Variants in TAOK1 observed in about 807,000 individuals in gnomAD.
TAOK1 encodes serine/threonine-protein kinase TAO1.
TAOK1 carries 21 observed loss-of-function variants against 138.3 expected under a neutral mutation model. The observed-to-expected ratio is 0.15, with a 90% confidence interval of 0.11 to 0.22. The LOEUF is 0.22. TAOK1 is among the 10% of genes least tolerant of loss of function. TAOK1 has a pLI of 1.00. For missense variants in TAOK1, 651 were observed against 1,227.7 expected (o/e 0.53, Z 7.02); for synonymous variants, 361 against 398.4 (o/e 0.91, Z 1.12).
chr17:29,541,008 G>A (rs1297754542), intron 19 of TAOK1, among the ~76,000 whole-genome samples: 1 of 152,074 alleles, frequency 6.6e-6, no homozygotes, highest in African/African-American at 2.4e-5. Flanking sequence ...GCCCGGCCTT[G>A]ATACATTTTT....
intron 2 of TAOK1, among the ~76,000 whole-genome samples, chr17:29,456,530 G>A (rs1312494215): frequency 6.7e-6 from 1 of 150,204 alleles, no homozygotes; most frequent in Non-Finnish European, 1.5e-5. Context: ...TCTATTACAG[G>A]TTGAGCATCC....
chr17:29,398,229 C>T (rs1223654532), intron 1 of TAOK1, among the ~76,000 whole-genome samples: 1 of 151,050 alleles, frequency 6.6e-6, no homozygotes, highest in African/African-American at 2.4e-5. Context: ...TTTTTTGAGA[C>T]GGAATTTTGC....
At chr17:29,410,323 T>C (rs901113187) in intron 1 of TAOK1, among the ~76,000 whole-genome samples, 1 of 152,202 alleles carries the variant, frequency 6.6e-6, no homozygotes, top group African/African-American at 2.4e-5. Flanking sequence ...TGATCTTGGC[T>C]CACCACAACC....
chr17:29,452,502 G>T (rs1467320623), intron 2 of TAOK1, among the ~76,000 whole-genome samples: 1 of 152,050 alleles, frequency 6.6e-6, no homozygotes, highest in Non-Finnish European at 1.5e-5. Context: ...GTGTGTGCGT[G>T]TGAATTAAAA....
At chr17:29,427,366 G>A (rs1231083396) in intron 1 of TAOK1, among the ~76,000 whole-genome samples, 2 of 151,970 alleles carry the variant, frequency 1.3e-5, no homozygotes, top group Admixed American at 1.3e-4. Flanking sequence ...AGGCTAAGGC[G>A]GGTGGATCAC....
rs552700270 is a variant in TAOK1, at chr17:29,498,626, T to C, written c.1203+105T>C. The C allele has an allele frequency of 5.2e-6, 7 of 1,335,074 alleles. No individual in the cohort carries two copies. The Admixed American group carries it at 1.3e-4, about 26-fold the overall frequency. 82.7% of individuals were successfully genotyped at this position (1,335,074 alleles called of 1,614,324 possible). On this transcript the variant is annotated intron_variant, in intron 12 of 19. Transcript: ENST00000261716. ...AGGAAGATAAGGAAGTTTCCCGAAGTTTGGAACATGGCTGGGCTCAGTGGC... is the reference window on the plus strand; with the variant it reads ...AGGAAGATAAGGAAGTTTCCCGAAGCTTGGAACATGGCTGGGCTCAGTGGC...
In TAOK1 at chr17:29,507,901, G is replaced by A. The variant is rs1307261538; in HGVS notation, c.1344G>A (p.Thr448=). The A allele has an allele frequency of 6.2e-6, 10 of 1,612,508 alleles. No individual in the cohort carries two copies. The highest frequency in any genetic ancestry group is 2.2e-5 in the South Asian group (2 of 90,898). The change falls in exon 14 of 20, where the codon ACG becomes ACA. Residue 448 remains threonine (T), a synonymous_variant. Transcript: ENST00000261716. ...FATIRTASLV[T]RQMQEHEQDS... ...TACATTATTTGTATGTCTAGGTTAC[G>A]AGGCAAATGCAAGAACATGAGCAGG...
At chr17:29,451,737 CAG>C in intron 2 of TAOK1, 57 bp downstream of exon 2, 3 of 1,570,478 alleles carry the variant, frequency 1.9e-6, no homozygotes, top group Non-Finnish European at 2.6e-6. Context: ...CCACTCCTGA[CAG>C]AGCAAAATAT....
chr17:29,397,622 A>ACATG, intron 1 of TAOK1, among the ~76,000 whole-genome samples: 1 of 60,526 alleles, frequency 1.7e-5, no homozygotes, highest in African/African-American at 1.2e-4. Flanking sequence ...AAATATATAT[A>ACATG]TATATATACA....
chr17:29,452,402 A>G (rs577314014), intron 2 of TAOK1, among the ~76,000 whole-genome samples: 115 of 152,160 alleles, frequency 7.6e-4, no homozygotes, highest in Non-Finnish European at 1.4e-3. Context: ...TACTTCTGTA[A>G]AGTCCCATTC....
intron 3 of TAOK1, among the ~76,000 whole-genome samples, chr17:29,470,460 C>G (rs1353106200): frequency 6.6e-6 from 1 of 151,952 alleles, no homozygotes; most frequent in Non-Finnish European, 1.5e-5. Flanking sequence ...TAAACCCTAA[C>G]ATTTGGTAAT....
Position 29,460,307 on chromosome 17 carries a change from T to C in TAOK1, c.133-6838T>C, listed in dbSNP as rs539523570. 2.6e-5 allele frequency among the ~76,000 whole-genome samples: 4 copies of C among 152,368 alleles called. No individual in the cohort carries two copies. In the East Asian group the frequency reaches 7.7e-4, roughly 29 times the overall value. ...CCCGGGTTCATGCAATTCTTCTGGC[T>C]CAGGCTCCTGAGTAGCTAGGATTAC... On this transcript the variant is annotated intron_variant, in intron 2 of 19. Transcript: ENST00000261716.
chr17:29,542,089 G>T (rs1012070250), intron 19 of TAOK1, among the ~76,000 whole-genome samples: 1 of 152,092 alleles, frequency 6.6e-6, no homozygotes, highest in African/African-American at 2.4e-5. Flanking sequence ...ATGTTAGCCA[G>T]GATGGTCTCG....
chr17:29,498,425 C>T lies in TAOK1; in HGVS notation c.1107C>T (p.Asn369=), dbSNP rs370640908. The T allele has an allele frequency of 1.9e-6, 3 of 1,614,072 alleles. No homozygotes were observed. The highest frequency in any genetic ancestry group is 2.7e-5 in the African/African-American group (2 of 74,930). ...CCAGCAGCCAAAGCAGTAGTGTTAACAGTCTTCCAGATGTCTCAGATGACA... is the reference window on the plus strand; with the variant it reads ...CCAGCAGCCAAAGCAGTAGTGTTAATAGTCTTCCAGATGTCTCAGATGACA... ...ISASSQSSSV[N]SLPDVSDDKS... is the part of the protein sequence containing the mutation. The change falls in exon 12 of 20, where the codon AAC becomes AAT. Residue 369 remains asparagine, a synonymous_variant. Coordinates refer to ENST00000261716, the MANE Select transcript of TAOK1 (RefSeq NM_020791.4).
At position 29,451,642 on chromosome 17, in the gene TAOK1, A is replaced by G; in HGVS notation, c.94A>G (p.Arg32Gly). The G allele has an allele frequency of 1.2e-6, 2 of 1,613,738 alleles. No individual in the cohort carries two copies. Among genetic ancestry groups the G allele is most frequent in the Non-Finnish European group, 1.7e-6 (2 of 1,179,694 alleles). ...EDPEKLFTDLREIGHGSFGAV... is the reference protein window; with the variant it reads ...EDPEKLFTDLGEIGHGSFGAV... The stretch of plus-strand genomic sequence containing the variant: ...TCCAGAGAAGCTCTTCACAGATCTC[A>G]GAGAAATTGGCCATGGAAGCTTTGG... The change falls in exon 2 of 20, where the codon AGA (arginine) becomes GGA (glycine). Residue 32 changes from arginine (R) to glycine (G), a missense_variant. Physicochemically the swap from Arg to Gly is moderately radical, Grantham distance 125. Coordinates refer to ENST00000261716, the MANE Select transcript of TAOK1 (RefSeq NM_020791.4).
At chr17:29,460,078 C>A (rs976519172) in intron 2 of TAOK1, among the ~76,000 whole-genome samples, 2 of 152,232 alleles carry the variant, frequency 1.3e-5, no homozygotes, top group Non-Finnish European at 2.9e-5. Flanking sequence ...AGTAATGTTT[C>A]TTGCCCTTTT....
At position 29,545,729 on chromosome 17, in the gene TAOK1, A is replaced by T. The variant is rs1470184612; in HGVS notation, c.*2707A>T. 1 of 152,142 alleles carries T rather than the reference A, an allele frequency of 6.6e-6. No individual in the cohort carries two copies. Among genetic ancestry groups the T allele is most frequent in the African/African-American group, 2.4e-5 (1 of 41,448 alleles). The allele number at this position is 152,142 out of a possible 1,614,324, so 9.4% of individuals were successfully genotyped here. A position where few individuals can be genotyped will look rare whatever the true frequency, so the allele number is the denominator to read the frequency against. ...GTAAAGCTTGTAGCAGAAAAATTGG[A>T]AGGGTTTTGAGATATCCTAGAGAAA... is the stretch of plus-strand genomic sequence containing the variant. On this transcript the variant is annotated 3_prime_UTR_variant, in exon 20 of 20. Transcript: ENST00000261716.
intron 1 of TAOK1, among the ~76,000 whole-genome samples, chr17:29,392,310 T>C (rs1282511647): frequency 6.6e-6 from 1 of 152,232 alleles, no homozygotes; most frequent in Non-Finnish European, 1.5e-5. Flanking sequence ...TTGATACTGT[T>C]GTGTATAATA....
chr17:29,480,173 G>T, intron 6 of TAOK1, 195 bp from the exon 7 acceptor site: 1 of 366,096 alleles, frequency 2.7e-6, no homozygotes, highest in East Asian at 4.2e-5. Context: ...ATTACTATAT[G>T]TTTATTTGAA....
Sources: gnomAD v4.1 joint callset for allele counts (sites outside exome capture counted in the v4.1 genomes callset) on GRCh38, gnomAD v4.1.1 for gene constraint, MANE v1.5 for transcripts, NCBI Gene and HGNC (gene_info 2026-07-23, HGNC 2026-07-21) for gene names.